The following FGF12 variants were observed in gnomAD, a reference collection of about 807,000 sequenced individuals.
FGF12 encodes the protein fibroblast growth factor 12B.
Under a neutral mutation model 23.6 loss-of-function variants are expected in FGF12, and 14 were observed. That is an observed-to-expected ratio of 0.59 (90% CI 0.39 to 0.93). The LOEUF (loss-of-function observed/expected upper bound fraction) is 0.93. Among genes scored for constraint, FGF12 ranks in the 40% least tolerant of loss-of-function variants. The pLI is 0.00. For missense variants in FGF12, 175 were observed against 217.8 expected, an observed-to-expected ratio of 0.80 and a Z score of 1.24; for synonymous variants, 62 against 77.3, an observed-to-expected ratio of 0.80 and a Z score of 1.04.
chr3:192,347,622 G>A (rs1379747128), intron 3 of FGF12, among the ~76,000 whole-genome samples: 1 of 152,062 alleles, frequency 6.6e-6, no homozygotes, highest in Non-Finnish European at 1.5e-5. Flanking sequence ...GAAACTCCAA[G>A]TGCACTAGAT....
chr3:192,198,741 A>G (rs747575559), intron 4 of FGF12, among the ~76,000 whole-genome samples: 1 of 152,188 alleles, frequency 6.6e-6, no homozygotes, highest in Non-Finnish European at 1.5e-5. Flanking sequence ...GTAAATAACT[A>G]AGGAATGTTT....
intron 2 of FGF12, among the ~76,000 whole-genome samples, chr3:192,634,550 T>C (rs1270011244): frequency 6.6e-6 from 1 of 152,112 alleles, no homozygotes; most frequent in Non-Finnish European, 1.5e-5. Context: ...GATGACTATA[T>C]ATACATATAT....
intron 2 of FGF12, among the ~76,000 whole-genome samples, chr3:192,718,001 T>C (rs1027281336): frequency 3.9e-5 from 6 of 152,146 alleles, no homozygotes; most frequent in Admixed American, 3.9e-4. Flanking sequence ...GACATAGTTA[T>C]TGGTTTTTAA....
chr3:192,502,921 T>G (rs1724175286), intron 2 of FGF12, among the ~76,000 whole-genome samples: 1 of 152,226 alleles, frequency 6.6e-6, no homozygotes, highest in South Asian at 2.1e-4. Context: ...GCTTAACATT[T>G]CCATTTTCTG....
intron 2 of FGF12, among the ~76,000 whole-genome samples, chr3:192,458,810 T>A (rs748145867): frequency 1.3e-5 from 2 of 152,164 alleles, no homozygotes; most frequent in African/African-American, 2.4e-5. Flanking sequence ...GGTGGAATGA[T>A]ATGGTTTCGC....
rs1187050331 is a variant in FGF12 at position 192,143,956 on chromosome 3, G to C, written c.*53C>G. 9.0e-7 allele frequency: 1 copy of C among 1,109,554 alleles called. No individual in the cohort carries two copies. The highest frequency in any genetic ancestry group is 1.8e-5 in the Admixed American group (1 of 56,750). The allele number at this position is 1,109,554 out of a possible 1,614,324, so 68.7% of individuals were successfully genotyped here. A position where few individuals can be genotyped will look rare whatever the true frequency, so the allele number is the denominator to read the frequency against. ...TTTACTGGAAGGAAATGGGTAAATG[G>C]GAAGGAAGGGAAGGGGAAGGGATGA... is the stretch of plus-strand genomic sequence containing the variant. On this transcript the variant is annotated 3_prime_UTR_variant, in exon 6 of 6. Coordinates refer to ENST00000445105, the MANE Select transcript of FGF12 (RefSeq NM_004113.6).
At chr3:192,173,586 A>G (rs1400755298) in intron 4 of FGF12, among the ~76,000 whole-genome samples, 1 of 152,148 alleles carries the variant, frequency 6.6e-6, no homozygotes, top group East Asian at 1.9e-4. Context: ...ATTTTAATTC[A>G]TTTTCTTTTA....
chr3:192,332,652 A>C (rs1190048495), intron 4 of FGF12, among the ~76,000 whole-genome samples: 1 of 152,078 alleles, frequency 6.6e-6, no homozygotes, highest in African/African-American at 2.4e-5. Flanking sequence ...CTTCCTATTA[A>C]TTCCTAGCTT....
chr3:192,630,847 C>T (rs1160477275), intron 2 of FGF12, among the ~76,000 whole-genome samples: 10 of 152,098 alleles, frequency 6.6e-5, no homozygotes, highest in East Asian at 1.9e-4. Context: ...CATGAGCCAC[C>T]GCGCCCGGCC....
At chr3:192,535,602 C>T (rs529487378) in intron 2 of FGF12, among the ~76,000 whole-genome samples, 1 of 152,240 alleles carries the variant, frequency 6.6e-6, no homozygotes, top group African/African-American at 2.4e-5. Flanking sequence ...TTTCAGAGAA[C>T]AAGGATAGCT....
intron 2 of FGF12, among the ~76,000 whole-genome samples, chr3:192,512,585 G>A (rs918927269): frequency 6.6e-6 from 1 of 151,612 alleles, no homozygotes; most frequent in African/African-American, 2.4e-5. Context: ...GCAAGGCCAT[G>A]TTAGTTACAC....
chr3:192,485,474 C>T (rs1048533007), intron 2 of FGF12, among the ~76,000 whole-genome samples: 1 of 152,094 alleles, frequency 6.6e-6, no homozygotes, highest in Non-Finnish European at 1.5e-5. Context: ...CTAGGAATAC[C>T]ATTGTTAGAA....
At chr3:192,487,292 C>T (rs561612874) in intron 2 of FGF12, among the ~76,000 whole-genome samples, 17 of 152,102 alleles carry the variant, frequency 1.1e-4, no homozygotes, top group Non-Finnish European at 1.9e-4. Context: ...TTCCTAGTGC[C>T]GCTTCGAAAC....
intron 2 of FGF12, among the ~76,000 whole-genome samples, chr3:192,665,226 C>T (rs1362855676): frequency 6.6e-6 from 1 of 152,056 alleles, no homozygotes; most frequent in Non-Finnish European, 1.5e-5. Flanking sequence ...GACACAGTTG[C>T]TCTTTATAGA....
rs73193526 is a variant in FGF12 at position 192,263,801 on chromosome 3, A to G, written c.228+71560T>C. Among the ~76,000 whole-genome samples the G allele has an allele frequency of 9.1e-3, 1,389 of 152,226 alleles. 15 individuals carry two copies. The highest frequency in any genetic ancestry group is 0.016 in the Non-Finnish European group (1,089 of 67,966). On this transcript the variant is annotated intron_variant, in intron 4 of 5. Transcript: ENST00000445105. ...CCATATATGAAAACTCCAGTAAGAC[A>G]TTACTTAATACCCTACAGATTTTAG...
Position 192,171,452 on chromosome 3 carries a change from C to A in FGF12, c.229-796G>T, listed in dbSNP as rs1372635201. 1.1e-4 allele frequency among the ~76,000 whole-genome samples: 16 copies of A among 152,320 alleles called. No individual in the cohort carries two copies. In the East Asian group the frequency reaches 2.9e-3, roughly 28 times the overall value. ...CTGAGTCAATGCCAGAGCTCACATT[C>A]ATTGCTTCACAATCACAGTCTCTCA... On this transcript the variant is annotated intron_variant, in intron 4 of 5. Transcript: ENST00000445105.
intron 2 of FGF12, among the ~76,000 whole-genome samples, chr3:192,479,760 T>G (rs917736268): frequency 6.6e-6 from 1 of 152,186 alleles, no homozygotes; most frequent in African/African-American, 2.4e-5. Context: ...GTTTGCACAA[T>G]TTAAGTTGCA....
intron 4 of FGF12, among the ~76,000 whole-genome samples, chr3:192,287,861 C>T (rs1220249066): frequency 2.0e-5 from 3 of 151,912 alleles, no homozygotes; most frequent in South Asian, 4.1e-4. Flanking sequence ...GTGGCAAATG[C>T]GATGACAAAC....
chr3:192,597,294 G>T (rs188245006), intron 2 of FGF12, among the ~76,000 whole-genome samples: 13 of 152,054 alleles, frequency 8.5e-5, no homozygotes, highest in Non-Finnish European at 1.5e-4. Context: ...AATCGTTCAC[G>T]CACCAAACCA....
Sources: gnomAD v4.1 joint callset for allele counts (sites outside exome capture counted in the v4.1 genomes callset) on GRCh38, gnomAD v4.1.1 for gene constraint, MANE v1.5 for transcripts, NCBI Gene and HGNC (gene_info 2026-07-23, HGNC 2026-07-21) for gene names.